The following ZNF749 variants were observed in gnomAD, a reference collection of about 807,000 sequenced individuals.
The protein encoded by ZNF749 is zinc finger protein 749.
Under a neutral mutation model 7.3 loss-of-function variants are expected in ZNF749, and 8 were observed. The ratio of observed to expected loss-of-function variants is 1.10; its 90% CI spans 0.64 to 1.98. The LOEUF is 1.98. Ranked by LOEUF, ZNF749 falls within the 30% of genes most tolerant of loss-of-function variation. The pLI, the probability that ZNF749 is intolerant of heterozygous loss-of-function variation, is 0.00. For missense variants in ZNF749, 898 were observed against 932.4 expected (o/e 0.96, Z 0.48); for synonymous variants, 310 against 322.4 (o/e 0.96, Z 0.41).
upstream of ZNF749, among the ~76,000 whole-genome samples, chr19:57,433,109 G>GTGT: frequency 9.5e-6 from 1 of 105,234 alleles, no homozygotes; most frequent in Non-Finnish European, 1.9e-5. Context: ...ATAGTCTTGA[G>GTGT]GAGTGTGTGT....
upstream of ZNF749, among the ~76,000 whole-genome samples, chr19:57,431,893 G>T (rs1314285975): frequency 6.6e-6 from 1 of 152,084 alleles, no homozygotes; most frequent in African/African-American, 2.4e-5. Flanking sequence ...CGTGATCTTG[G>T]CTCACTGCAA....
At chr19:57,440,884 T>C (rs1418755881) in intron 1 of ZNF749, among the ~76,000 whole-genome samples, 1 of 151,756 alleles carries the variant, frequency 6.6e-6, no homozygotes, top group Non-Finnish European at 1.5e-5. Context: ...TCCCAGCACT[T>C]TGGGAGACCA....
At chr19:57,432,446 C>T (rs1215031440), upstream of ZNF749, among the ~76,000 whole-genome samples, 3 of 151,168 alleles carry the variant, frequency 2.0e-5, no homozygotes, top group Non-Finnish European at 4.4e-5. Flanking sequence ...CCTGTAGTCC[C>T]AGCTACTCGG....
In ZNF749 at chr19:57,445,339, A is replaced by G; in HGVS notation, c.2191A>G (p.Lys731Glu). ...TCCTTTTAAGTTAAGGGAATGTGGG[A>G]AAGACTTCAACAAATGTAATACTGG... The part of the protein sequence containing the change: ...ESPFKLRECG[K>E]DFNKCNTGQR... Residue 731 changes from lysine (K) to glutamate (E), a missense_variant, in exon 3 of 3, where the codon AAA becomes GAA. Physicochemically the swap from Lys to Glu is moderately conservative, Grantham distance 56 (BLOSUM62 1). Transcript: ENST00000334181. 6.2e-7 allele frequency: 1 copy of G among 1,613,868 alleles called. No individual in the cohort carries two copies. The highest frequency in any genetic ancestry group is 2.2e-5 in the East Asian group (1 of 44,868).
In ZNF749 at chr19:57,439,629, T is replaced by A. The variant is rs2088968608; in HGVS notation, c.16-2256T>A. 6.6e-6 allele frequency among the ~76,000 whole-genome samples: 1 copy of A among 151,718 alleles called. No homozygotes were observed. The highest frequency in any genetic ancestry group is 1.5e-5 in the Non-Finnish European group (1 of 67,910). Reference sequence around the variant, plus strand: ...ATAAATAGCTGGGTGTGGTGGCGTCTCTCTGTGGTCTCAGCTAATCGGCGT... The same window carrying A: ...ATAAATAGCTGGGTGTGGTGGCGTCACTCTGTGGTCTCAGCTAATCGGCGT... On this transcript the variant is annotated intron_variant, in intron 1 of 2. Coordinates refer to ENST00000334181, the MANE Select transcript of ZNF749 (RefSeq NM_001023561.4). The surrounding 1 kb of genome is among the most constrained non-coding windows in gnomAD (Gnocchi z 4.3).
Position 57,435,394 on chromosome 19 carries a change from C to T in ZNF749, c.-185C>T. On this transcript the variant is annotated 5_prime_UTR_variant, in exon 1 of 3. Transcript: ENST00000334181. ...GGATCTGTTCACTGATTTAGAGGGT[C>T]CCAGAGCTCTGGGTCGGGACTGAGG... is the stretch of plus-strand genomic sequence containing the variant. The T allele has an allele frequency of 1.2e-6, 1 of 842,502 alleles. No homozygotes were observed. Among genetic ancestry groups the T allele is most frequent in the South Asian group, 1.6e-5 (1 of 63,086 alleles). 52.2% of individuals were successfully genotyped at this position (842,502 alleles called of 1,614,324 possible).
rs143850350 is a variant in ZNF749 at position 57,441,453 on chromosome 19, C to T, written c.16-432C>T. On this transcript the variant is annotated intron_variant, in intron 1 of 2. Transcript: ENST00000334181. The stretch of plus-strand genomic sequence containing the variant: ...GCATTGAAATAATTTTAATTACTTT[C>T]ATTTCCTTAGTGCAGGGGGAATGCC... 6.4e-3 allele frequency among the ~76,000 whole-genome samples: 981 copies of T among 152,216 alleles called. 4 individuals carry two copies. The highest frequency in any genetic ancestry group is 0.012 in the Non-Finnish European group (784 of 68,012).
rs1171377129 is a variant in ZNF749 at position 57,439,407 on chromosome 19, G to C, written c.16-2478G>C. 2.0e-5 allele frequency among the ~76,000 whole-genome samples: 3 copies of C among 152,184 alleles called. No homozygotes were observed. The highest frequency in any genetic ancestry group is 7.2e-5 in the African/African-American group (3 of 41,450). On this transcript the variant is annotated intron_variant, in intron 1 of 2. Transcript: ENST00000334181. This position sits in a 1 kb window ranked among gnomAD's most constrained non-coding sequence, Gnocchi z 4.3. ...GGATGGATGTCCCAGCAACTAAGAT[G>C]TAGTAAGTTCTGTAGTAGGGGGAGT...
chr19:57,434,820 C>CA (rs934585224), upstream of ZNF749, among the ~76,000 whole-genome samples: 7 of 151,914 alleles, frequency 4.6e-5, no homozygotes, highest in African/African-American at 1.4e-4. Context: ...CACTAACGAT[C>CA]AAAAAAAAGT....
In ZNF749 at chr19:57,442,804, C is replaced by G. The variant is rs1207524839; in HGVS notation, c.143-487C>G. Among the ~76,000 whole-genome samples, 1 of 152,144 alleles carries G rather than the reference C, an allele frequency of 6.6e-6. No homozygotes were observed. Among genetic ancestry groups the G allele is most frequent in the Non-Finnish European group, 1.5e-5 (1 of 68,032 alleles). On this transcript the variant is annotated intron_variant, in intron 2 of 2. Transcript: ENST00000334181. This position sits in a 1 kb window ranked among gnomAD's most constrained non-coding sequence, Gnocchi z 6.6. ...CTTTCCTTCCCTGTTGTTATTTTTA[C>G]TCTGACTTCTGACCCCTGGCTTCCA...
upstream of ZNF749, among the ~76,000 whole-genome samples, chr19:57,433,933 G>A (rs1486310871): frequency 6.6e-6 from 1 of 152,078 alleles, no homozygotes; most frequent in African/African-American, 2.4e-5. Flanking sequence ...ATTGTAAAAA[G>A]CTGAATAAAG....
chr19:57,438,805 C>T (rs1422832953), intron 1 of ZNF749, among the ~76,000 whole-genome samples: 1 of 152,154 alleles, frequency 6.6e-6, no homozygotes, highest in Non-Finnish European at 1.5e-5. Flanking sequence ...CAGAACTCAG[C>T]CTCTGGTTAT....
Position 57,446,161 on chromosome 19 carries a change from A to G in ZNF749, c.*676A>G, listed in dbSNP as rs1179388576. On this transcript the variant is annotated 3_prime_UTR_variant, in exon 3 of 3. Transcript: ENST00000334181. Reference sequence around the variant, plus strand: ...TCTGTGGCCTGTTAGGAACCGGGCCAGCATCACTACCTGAGCTTCACCTCC... The same window carrying G: ...TCTGTGGCCTGTTAGGAACCGGGCCGGCATCACTACCTGAGCTTCACCTCC... 6.6e-6 allele frequency among the ~76,000 whole-genome samples: 1 copy of G among 152,184 alleles called. No individual in the cohort carries two copies. Among genetic ancestry groups the G allele is most frequent in the Non-Finnish European group, 1.5e-5 (1 of 68,026 alleles).
intron 1 of ZNF749, among the ~76,000 whole-genome samples, chr19:57,440,241 G>A (rs1237637206): frequency 1.3e-5 from 2 of 152,082 alleles, no homozygotes; most frequent in East Asian, 3.9e-4. Flanking sequence ...AGGGGAAGAT[G>A]GGATCAGCAA....
chr19:57,442,137 G>A lies in ZNF749; in HGVS notation c.142+126G>A. Reference sequence around the variant, plus strand: ...CGTCCTGTCCTCTCCTGGTTTCCTGGCAAATGTGATAAGGCAGCCAGAGCT... The same window carrying A: ...CGTCCTGTCCTCTCCTGGTTTCCTGACAAATGTGATAAGGCAGCCAGAGCT... On this transcript the variant is annotated intron_variant, in intron 2 of 2. Transcript: ENST00000334181. The surrounding 1 kb of genome is among the most constrained non-coding windows in gnomAD (Gnocchi z 6.6). 1 of 1,312,974 alleles carries A rather than the reference G, an allele frequency of 7.6e-7. No individual in the cohort carries two copies. The highest frequency in any genetic ancestry group is 1.0e-6 in the Non-Finnish European group (1 of 954,738). The allele number at this position is 1,312,974 out of a possible 1,614,324, so 81.3% of individuals were successfully genotyped here. A position where few individuals can be genotyped will look rare whatever the true frequency, so the allele number is the denominator to read the frequency against.
intron 1 of ZNF749, among the ~76,000 whole-genome samples, chr19:57,435,848 TGAGGCGGAGTCTCCCCTGGAAGGGCA>T (rs1461238691): frequency 3.3e-5 from 5 of 152,174 alleles, no homozygotes; most frequent in Non-Finnish European, 7.3e-5. Context: ...GAGCAGAGGT[TGAGGCGGAGTCTCCCCTGGAAGGGCA>T]GTGGAGCCGC....
At chr19:57,433,257 T>A (rs891195747), upstream of ZNF749, among the ~76,000 whole-genome samples, 1 of 152,190 alleles carries the variant, frequency 6.6e-6, no homozygotes, top group African/African-American at 2.4e-5. Context: ...ATTAGAAAGC[T>A]GTCAGTTCTT....
chr19:57,434,820 C>A (rs538939201), upstream of ZNF749, among the ~76,000 whole-genome samples: 5 of 151,796 alleles, frequency 3.3e-5, no homozygotes, highest in South Asian at 2.1e-4. Flanking sequence ...CACTAACGAT[C>A]AAAAAAAAGT....
chr19:57,445,329 G>C lies in ZNF749; in HGVS notation c.2181G>C (p.Arg727Ser). Residue 727 changes from arginine (R) to serine (S), a missense_variant, in exon 3 of 3, where the codon AGG becomes AGC. Arg to Ser is a moderately radical substitution (Grantham distance 110). Transcript: ENST00000334181. ...SHTGESPFKLRECGKDFNKCN... is the reference protein window; with the variant it reads ...SHTGESPFKLSECGKDFNKCN... ...CTGGAGAAAGTCCTTTTAAGTTAAG[G>C]GAATGTGGGAAAGACTTCAACAAAT... 6.2e-7 allele frequency: 1 copy of C among 1,613,568 alleles called. No homozygotes were observed. The highest frequency in any genetic ancestry group is 8.5e-7 in the Non-Finnish European group (1 of 1,179,758).
Sources: allele counts gnomAD v4.1 joint callset (sites outside exome capture counted in the v4.1 genomes callset), GRCh38; gene constraint gnomAD v4.1.1; non-coding constraint Gnocchi (gnomAD v3.1); transcripts MANE v1.5; gene names NCBI Gene and HGNC (gene_info 2026-07-23, HGNC 2026-07-21).